The following ITSN2 variants were observed in gnomAD, a reference collection of about 807,000 sequenced individuals.
ITSN2 encodes intersectin 2, also known as intersectin-2.
Under a neutral mutation model 243.7 loss-of-function variants are expected in ITSN2, and 156 were observed. The observed-to-expected ratio is 0.64, with a 90% CI of 0.56 to 0.73. ITSN2 has a LOEUF of 0.73. ITSN2 is among the 30% of genes least tolerant of loss of function. The pLI, the probability that ITSN2 is intolerant of heterozygous loss-of-function variation, is 0.00. For missense variants in ITSN2, 1,801 were observed against 1,996.1 expected (o/e 0.90, Z 1.86); for synonymous variants, 703 against 699.9 (o/e 1.00, Z -0.07).
At chr2:24,322,774 A>T (rs1452034215) in intron 2 of ITSN2, among the ~76,000 whole-genome samples, 5 of 152,218 alleles carry the variant, frequency 3.3e-5, no homozygotes, top group Non-Finnish European at 7.3e-5. Context: ...CTCTTAAGAA[A>T]AGGAAAAGAC....
rs1466900700 is a variant in ITSN2, at chr2:24,203,074, T to A, written c.*552A>T. 1 of 152,750 alleles carries A rather than the reference T, an allele frequency of 6.5e-6. No individual in the cohort carries two copies. Among genetic ancestry groups the A allele is most frequent in the Non-Finnish European group, 1.5e-5 (1 of 68,104 alleles). 9.5% of individuals were successfully genotyped at this position (152,750 alleles called of 1,614,324 possible). On this transcript the variant is annotated 3_prime_UTR_variant, in exon 40 of 40. Coordinates refer to ENST00000355123, the MANE Select transcript of ITSN2 (RefSeq NM_006277.3). ...CCCACTTATACTCCAGACTATATTG[T>A]CTTAGCAGAGAGTGATAAAATCTAA... is the stretch of plus-strand genomic sequence containing the variant.
intron 32 of ITSN2, among the ~76,000 whole-genome samples, chr2:24,214,689 A>G (rs1041427816): frequency 4.6e-5 from 7 of 152,126 alleles, no homozygotes; most frequent in Admixed American, 4.6e-4. Flanking sequence ...CCTCTCTTCA[A>G]TATAACAGTT....
chr2:24,317,201 C>T (rs1318625432), intron 2 of ITSN2, among the ~76,000 whole-genome samples: 2 of 151,960 alleles, frequency 1.3e-5, no homozygotes, highest in Admixed American at 6.6e-5. Flanking sequence ...GTCAACATGG[C>T]GAAACCTCAT....
Position 24,203,353 on chromosome 2 carries a change from C to T in ITSN2, c.*273G>A, listed in dbSNP as rs1315648400. 2.9e-5 allele frequency: 9 copies of T among 310,148 alleles called. No individual in the cohort carries two copies. The highest frequency in any genetic ancestry group is 4.8e-5 in the Non-Finnish European group (8 of 167,764). The allele number at this position is 310,148 out of a possible 1,614,324, so 19.2% of individuals were successfully genotyped here. A position where few individuals can be genotyped will look rare whatever the true frequency, so the allele number is the denominator to read the frequency against. ...CATTTCCAAGTAATACTTTTTATAG[C>T]CCTGAAAATGGAAACCTTGGCATCT... On this transcript the variant is annotated 3_prime_UTR_variant, in exon 40 of 40. Transcript: ENST00000355123.
intron 2 of ITSN2, among the ~76,000 whole-genome samples, chr2:24,324,277 GCTGCT>G (rs1684915361): frequency 6.6e-6 from 1 of 151,914 alleles, no homozygotes; most frequent in Non-Finnish European, 1.5e-5. Context: ...TTTTTAAAAA[GCTGCT>G]CTAACATACA....
In ITSN2 at chr2:24,358,510, T is replaced by C. The variant is rs528065354; in HGVS notation, c.-34+1794A>G. The stretch of plus-strand genomic sequence containing the variant: ...AACATATTTTATACTGAAGAAAGTA[T>C]AGTTGAAGGAGACAGCCAATATGTG... On this transcript the variant is annotated intron_variant, in intron 1 of 39. Transcript: ENST00000355123. Among the ~76,000 whole-genome samples, 40 of 152,258 alleles carry C rather than the reference T, an allele frequency of 2.6e-4. No individual in the cohort carries two copies. The East Asian group carries it at 3.9e-3, about 15-fold the overall frequency.
intron 1 of ITSN2, among the ~76,000 whole-genome samples, chr2:24,340,017 C>T (rs767669663): frequency 1.1e-4 from 16 of 151,838 alleles, no homozygotes; most frequent in Non-Finnish European, 1.9e-4. Context: ...GCTTGGGTAA[C>T]AAAGTGAGAC....
At chr2:24,347,293 A>C (rs1687624302) in intron 1 of ITSN2, among the ~76,000 whole-genome samples, 1 of 152,242 alleles carries the variant, frequency 6.6e-6, no homozygotes, top group Non-Finnish European at 1.5e-5. Flanking sequence ...CAAAAAATTA[A>C]AGTTACATTC....
At chr2:24,294,090 T>C (rs1024068938) in intron 14 of ITSN2, among the ~76,000 whole-genome samples, 1 of 152,224 alleles carries the variant, frequency 6.6e-6, no homozygotes, top group African/African-American at 2.4e-5. Context: ...ATGGTATGTG[T>C]AAGCATGCCA....
intron 15 of ITSN2, 150 bp downstream of exon 15, chr2:24,293,537 TA>T (rs1680547711): frequency 4.8e-6 from 2 of 414,612 alleles, no homozygotes; most frequent in Non-Finnish European, 4.4e-6. Flanking sequence ...ACATCTGGGA[TA>T]TTTTTCACTT....
At chr2:24,332,183 A>T (rs1331032343) in intron 1 of ITSN2, among the ~76,000 whole-genome samples, 1 of 152,216 alleles carries the variant, frequency 6.6e-6, no homozygotes, top group Non-Finnish European at 1.5e-5. Context: ...TGGAGGTTGC[A>T]GTGAGCCAAG....
chr2:24,334,068 C>CT (rs71325753), intron 1 of ITSN2, among the ~76,000 whole-genome samples: 369 of 151,142 alleles, frequency 2.4e-3, no homozygotes, highest in Non-Finnish European at 4.1e-3. Context: ...TTTTTTTTTT[C>CT]TTTTTTTTGA....
chr2:24,296,464 G>A (rs1680976184), intron 13 of ITSN2, among the ~76,000 whole-genome samples: 1 of 152,180 alleles, frequency 6.6e-6, no homozygotes, highest in Non-Finnish European at 1.5e-5. Context: ...GGCCTTTAAA[G>A]AGGTGATTAA....
chr2:24,357,808 T>C (rs375199089), intron 1 of ITSN2, among the ~76,000 whole-genome samples: 1 of 152,258 alleles, frequency 6.6e-6, no homozygotes, highest in African/African-American at 2.4e-5. Flanking sequence ...TTAATATAAA[T>C]GTTTTACAAG....
chr2:24,217,176 G>A (rs1670044780), intron 31 of ITSN2, among the ~76,000 whole-genome samples: 1 of 152,026 alleles, frequency 6.6e-6, no homozygotes, highest in Non-Finnish European at 1.5e-5. Context: ...GTGAACCCAG[G>A]AGGCGGAGGT....
chr2:24,348,818 G>A (rs774157711), intron 1 of ITSN2, among the ~76,000 whole-genome samples: 9 of 152,078 alleles, frequency 5.9e-5, no homozygotes, highest in Non-Finnish European at 1.5e-5. Context: ...AAAAGCATTC[G>A]TCCATTTTCC....
chr2:24,300,530 C>T (rs1173887981), intron 11 of ITSN2, among the ~76,000 whole-genome samples: 1 of 152,086 alleles, frequency 6.6e-6, no homozygotes, highest in African/African-American at 2.4e-5. Flanking sequence ...CCGGCCTGGC[C>T]AACACGGTGA....
At chr2:24,322,728 T>C (rs753512647) in intron 2 of ITSN2, among the ~76,000 whole-genome samples, 1 of 152,164 alleles carries the variant, frequency 6.6e-6, no homozygotes, top group Non-Finnish European at 1.5e-5. Context: ...AACTGGACTT[T>C]ATAAAAATCT....
At chr2:24,300,436 G>A (rs917293955) in intron 11 of ITSN2, among the ~76,000 whole-genome samples, 5 of 151,948 alleles carry the variant, frequency 3.3e-5, no homozygotes, top group Admixed American at 1.3e-4. Context: ...ATACTTTTTC[G>A]GTTGGGTGTG....
Sources: gnomAD v4.1 joint callset for allele counts (sites outside exome capture counted in the v4.1 genomes callset) on GRCh38, gnomAD v4.1.1 for gene constraint, MANE v1.5 for transcripts, NCBI Gene and HGNC (gene_info 2026-07-23, HGNC 2026-07-21) for gene names.